Variants in XYLT1 observed in about 807,000 individuals in gnomAD.
XYLT1 encodes the protein xylosyltransferase 1.
XYLT1 carries 36 observed loss-of-function variants against 91.3 expected under a neutral mutation model. The observed-to-expected ratio is 0.39, with a 90% CI of 0.30 to 0.52. The LOEUF is 0.52. Ranked by LOEUF, XYLT1 falls within the 20% of genes least tolerant of loss-of-function variation. The pLI, the probability that XYLT1 is intolerant of heterozygous loss-of-function variation, is 0.68. For missense variants in XYLT1, 1,242 were observed against 1,284.5 expected, an observed-to-expected ratio of 0.97 and a Z score of 0.51; for synonymous variants, 588 against 532.0, an observed-to-expected ratio of 1.11 and a Z score of -1.45.
intron 6 of XYLT1, among the ~76,000 whole-genome samples, chr16:17,149,239 G>A (rs2031221948): frequency 1.3e-5 from 2 of 152,108 alleles, no homozygotes; most frequent in African/African-American, 4.8e-5. Context: ...CTACAATCTT[G>A]GTATATTCAT....
At chr16:17,309,101 C>G (rs189943148) in intron 2 of XYLT1, among the ~76,000 whole-genome samples, 10 of 152,040 alleles carry the variant, frequency 6.6e-5, no homozygotes, top group Non-Finnish European at 1.0e-4. Context: ...GGTGGAAAGG[C>G]GGCTCAGAGA....
In XYLT1 at chr16:17,421,077, G is replaced by T. The variant is rs574353188; in HGVS notation, c.363+49357C>A. Among the ~76,000 whole-genome samples, 2 of 152,214 alleles carry T rather than the reference G, an allele frequency of 1.3e-5. 1 individual carries two copies. The highest frequency in any genetic ancestry group is 4.1e-4 in the South Asian group (2 of 4,820). On this transcript the variant is annotated intron_variant, in intron 1 of 11. Coordinates refer to ENST00000261381, the MANE Select transcript of XYLT1 (RefSeq NM_022166.4). ...CTTGTGTTGGGATTATTTCTACTCC[G>T]CCAGCTTGTTTACCTTATTAGAGTA...
chr16:17,113,456 T>G (rs1294834686), intron 11 of XYLT1, among the ~76,000 whole-genome samples: 1 of 152,248 alleles, frequency 6.6e-6, no homozygotes, highest in Non-Finnish European at 1.5e-5. Flanking sequence ...ATAGTGGTTT[T>G]TGTCCACGGT....
At chr16:17,414,965 A>AC (rs1293561182) in intron 1 of XYLT1, among the ~76,000 whole-genome samples, 1 of 151,564 alleles carries the variant, frequency 6.6e-6, no homozygotes, top group Non-Finnish European at 1.5e-5. Flanking sequence ...AGAACTGCAG[A>AC]CCCCCCGCAG....
At chr16:17,132,644 T>C (rs1018774553) in intron 9 of XYLT1, among the ~76,000 whole-genome samples, 20 of 152,154 alleles carry the variant, frequency 1.3e-4, no homozygotes. Context: ...GGCTCATGCC[T>C]GTAATCTCAG....
At chr16:17,163,695 C>T (rs2031604351) in intron 5 of XYLT1, among the ~76,000 whole-genome samples, 1 of 152,124 alleles carries the variant, frequency 6.6e-6, no homozygotes, top group Non-Finnish European at 1.5e-5. Flanking sequence ...GCACAGAGCC[C>T]AGGGGACACT....
chr16:17,262,059 A>G (rs2033730831), intron 2 of XYLT1, among the ~76,000 whole-genome samples: 1 of 152,106 alleles, frequency 6.6e-6, no homozygotes, highest in South Asian at 2.1e-4. Flanking sequence ...GCAGCCTCTC[A>G]GGCGCATTTT....
chr16:17,379,763 T>TCTCTCTCACA (rs373354877), intron 1 of XYLT1, among the ~76,000 whole-genome samples: 56 of 125,612 alleles, frequency 4.5e-4, no homozygotes, highest in Admixed American at 1.4e-3. Context: ...TCTCTCTCTC[T>TCTCTCTCACA]CACACACACA....
intron 1 of XYLT1, among the ~76,000 whole-genome samples, chr16:17,401,049 T>C (rs1289413733): frequency 6.6e-6 from 1 of 152,046 alleles, no homozygotes; most frequent in Non-Finnish European, 1.5e-5. Flanking sequence ...GTCAATTCTT[T>C]AACATTAGTG....
At chr16:17,160,709 G>C (rs1391227395) in intron 5 of XYLT1, among the ~76,000 whole-genome samples, 1 of 152,164 alleles carries the variant, frequency 6.6e-6, no homozygotes, top group Admixed American at 6.5e-5. Flanking sequence ...CCCTACAATG[G>C]TGCATCTCCC....
chr16:17,152,078 C>T (rs538645929), intron 6 of XYLT1, among the ~76,000 whole-genome samples: 1 of 152,052 alleles, frequency 6.6e-6, no homozygotes, highest in South Asian at 2.1e-4. Context: ...TGCCTTTTTT[C>T]TGATTATAAA....
At chr16:17,369,572 T>G (rs2035502223) in intron 1 of XYLT1, 1 of 152,156 alleles carries the variant, frequency 6.6e-6, no homozygotes, top group African/African-American at 2.4e-5. Flanking sequence ...TGTTACCCCA[T>G]GAACATGACT....
intron 2 of XYLT1, among the ~76,000 whole-genome samples, chr16:17,316,998 AT>A (rs1221211699): frequency 1.3e-5 from 2 of 150,046 alleles, no homozygotes; most frequent in East Asian, 2.1e-4. Context: ...AATTTTTTGT[AT>A]TTTTAGTAGA....
At chr16:17,358,784 C>A (rs2035341455) in intron 1 of XYLT1, among the ~76,000 whole-genome samples, 1 of 152,132 alleles carries the variant, frequency 6.6e-6, no homozygotes, top group African/African-American at 2.4e-5. Flanking sequence ...TGACTAGGAA[C>A]AAGGCCATCA....
At position 17,210,607 on chromosome 16, in the gene XYLT1, T is replaced by TA. The variant is rs774131801; in HGVS notation, c.914-9954_914-9953insT. On this transcript the variant is annotated intron_variant, in intron 3 of 11. Coordinates refer to ENST00000261381, the MANE Select transcript of XYLT1 (RefSeq NM_022166.4). Reference sequence around the variant, plus strand: ...AAAAATTATTTGTAGAGATAAGGTCTCCCTATGTTGCCCAGGTTGGTCTTG... The same window carrying TA: ...AAAAATTATTTGTAGAGATAAGGTCTACCCTATGTTGCCCAGGTTGGTCTTG... Among the ~76,000 whole-genome samples, 6 of 152,258 alleles carry TA rather than the reference T, an allele frequency of 3.9e-5. No homozygotes were observed. In the South Asian group the frequency reaches 1.0e-3, roughly 26 times the overall value.
chr16:17,331,247 G>A (rs1050895987), intron 2 of XYLT1, among the ~76,000 whole-genome samples: 1 of 152,224 alleles, frequency 6.6e-6, no homozygotes, highest in African/African-American at 2.4e-5. Flanking sequence ...GACCATGCCG[G>A]CCTCAATCCC....
At chr16:17,330,104 TAC>T (rs35148093) in intron 2 of XYLT1, among the ~76,000 whole-genome samples, 5,777 of 144,322 alleles carry the variant, frequency 0.04, 169 homozygotes, top group African/African-American at 0.091. Context: ...TGGAGGTAGA[TAC>T]ACACACACAC....
chr16:17,329,891 A>G (rs2034869079), intron 2 of XYLT1, among the ~76,000 whole-genome samples: 1 of 152,196 alleles, frequency 6.6e-6, no homozygotes, highest in African/African-American at 2.4e-5. Flanking sequence ...TTATGAAATG[A>G]GGCTAAAAAT....
At chr16:17,140,898 G>A (rs934018978) in intron 7 of XYLT1, among the ~76,000 whole-genome samples, 1 of 152,270 alleles carries the variant, frequency 6.6e-6, no homozygotes, top group East Asian at 1.9e-4. Context: ...GTATCTTGAG[G>A]AAGAGCTGCC....
Sources: allele counts gnomAD v4.1 joint callset (sites outside exome capture counted in the v4.1 genomes callset), GRCh38; gene constraint gnomAD v4.1.1; transcripts MANE v1.5; gene names NCBI Gene and HGNC (gene_info 2026-07-23, HGNC 2026-07-21).